The following BTN1A1 variants were observed in gnomAD, a reference collection of about 807,000 sequenced individuals.
The protein encoded by BTN1A1 is butyrophilin subfamily 1 member A1, also known as bK14H9.2 (butyrophilin, subfamily 1, member A1).
Under a neutral mutation model 33.1 loss-of-function variants are expected in BTN1A1, and 26 were observed. The ratio of observed to expected loss-of-function variants is 0.79; its 90% confidence interval spans 0.58 to 1.09. The LOEUF is 1.09. BTN1A1 is among the 50% of genes least tolerant of loss of function. BTN1A1 has a pLI of 0.00. For missense variants in BTN1A1, 558 were observed against 655.7 expected, an observed-to-expected ratio of 0.85 and a Z score of 1.63; for synonymous variants, 235 against 256.2, an observed-to-expected ratio of 0.92 and a Z score of 0.79.
chr6:26,500,882 T>C (rs1040446035), intron 1 of BTN1A1, among the ~76,000 whole-genome samples: 15 of 152,156 alleles, frequency 9.9e-5, no homozygotes, highest in Non-Finnish European at 1.8e-4. Context: ...GCCACTGCAC[T>C]CCAAGCTGGG....
chr6:26,501,790 C>T lies in BTN1A1; in HGVS notation c.280C>T (p.Arg94Trp). The change falls in exon 3 of 8, where the codon CGG (arginine) becomes TGG (tryptophan). Residue 94 changes from arginine (R) to tryptophan (W), a missense_variant. By Grantham distance (101) the Arg-to-Trp change is moderately radical. Transcript: ENST00000684113. The surrounding 1 kb of genome is among the most constrained non-coding windows in gnomAD (Gnocchi z 5.2). ...CGAGCAGATGCCCGAGTACCGCGGG[C>T]GGGCGACGCTGGTCCAGGACGGCAT... ...EAEQMPEYRG[R>W]ATLVQDGIAK... 1 of 1,613,578 alleles carries T rather than the reference C, an allele frequency of 6.2e-7. No individual in the cohort carries two copies. The highest frequency in any genetic ancestry group is 8.5e-7 in the Non-Finnish European group (1 of 1,179,908).
intron 5 of BTN1A1, among the ~76,000 whole-genome samples, chr6:26,507,609 C>A (rs1763887357): frequency 6.6e-6 from 1 of 151,906 alleles, no homozygotes; most frequent in South Asian, 2.1e-4. Context: ...CCTGTAGTCC[C>A]ATCTACTCGG....
chr6:26,505,251 C>T (rs756816985), intron 4 of BTN1A1, 45 bp downstream of exon 4: 1 of 1,567,340 alleles, frequency 6.4e-7, no homozygotes, highest in Non-Finnish European at 8.7e-7. Flanking sequence ...GACACAGCTT[C>T]AGAGCCACAC....
Position 26,510,015 on chromosome 6 carries a change from A to G in BTN1A1, c.*841A>G, listed in dbSNP as rs1354149910. 1 of 152,298 alleles carries G rather than the reference A, an allele frequency of 6.6e-6. No individual in the cohort carries two copies. Among genetic ancestry groups the G allele is most frequent in the Non-Finnish European group, 1.5e-5 (1 of 68,054 alleles). 9.4% of individuals were successfully genotyped at this position (152,298 alleles called of 1,614,324 possible). A position where few individuals can be genotyped will look rare whatever the true frequency, so the allele number is the denominator to read the frequency against. On this transcript the variant is annotated 3_prime_UTR_variant, in exon 8 of 8. Coordinates refer to ENST00000684113, the MANE Select transcript of BTN1A1 (RefSeq NM_001732.3). ...CTTCTTTTTGTTATAGCATCTCTCTATTTCAAAGACATTCCTAGAAGTCAT... is the reference window on the plus strand; with the variant it reads ...CTTCTTTTTGTTATAGCATCTCTCTGTTTCAAAGACATTCCTAGAAGTCAT...
In BTN1A1 at chr6:26,501,365, G is replaced by C; in HGVS notation, c.79G>C (p.Ala27Pro). ...CCTCCAGCTGCCCAAACTGGATTCA[G>C]GTAAGTCTCTCTCTCTCTCTGGGCT... Reference protein sequence around the residue: ...ILLQLPKLDSAPFDVIGPPEP... With the variant: ...ILLQLPKLDSPPFDVIGPPEP... Residue 27 changes from alanine (A) to proline (P), a missense_variant and splice_region_variant, in exon 2 of 8, where the codon GCT becomes CCT. Transcript: ENST00000684113. This position sits in a 1 kb window ranked among gnomAD's most constrained non-coding sequence, Gnocchi z 5.2. The C allele has an allele frequency of 6.2e-7, 1 of 1,612,204 alleles. No homozygotes were observed. Among genetic ancestry groups the C allele is most frequent in the Non-Finnish European group, 8.5e-7 (1 of 1,178,410 alleles).
intron 7 of BTN1A1, among the ~76,000 whole-genome samples, chr6:26,508,295 GCA>G (rs1016849073): frequency 6.6e-6 from 1 of 152,198 alleles, no homozygotes; most frequent in Non-Finnish European, 1.5e-5. Flanking sequence ...TAGGCCCTAG[GCA>G]CAGTTAGCTC....
Position 26,501,491 on chromosome 6 carries a change from AAG to A in BTN1A1, c.80-94_80-93del, listed in dbSNP as rs754510877. The A allele has an allele frequency of 6.3e-7, 1 of 1,582,972 alleles. No homozygotes were observed. The highest frequency in any genetic ancestry group is 8.7e-7 in the Non-Finnish European group (1 of 1,155,794). ...AGACAAACTCAGCTGTCAAAGGAGT[AAG>A]AGAGCGCGGGGCACTGCGCTTTGGC... is the stretch of plus-strand genomic sequence containing the variant. On this transcript the variant is annotated intron_variant, in intron 2 of 7. Coordinates refer to ENST00000684113, the MANE Select transcript of BTN1A1 (RefSeq NM_001732.3). The surrounding 1 kb of genome is among the most constrained non-coding windows in gnomAD (Gnocchi z 5.2).
rs1402913017 is a variant in BTN1A1 at position 26,508,072 on chromosome 6, G to A, written c.892G>A (p.Ala298Thr). 1 of 1,612,596 alleles carries A rather than the reference G, an allele frequency of 6.2e-7. No individual in the cohort carries two copies. Among genetic ancestry groups the A allele is most frequent in the Admixed American group, 1.7e-5 (1 of 59,604 alleles). The change falls in exon 7 of 8, where the codon GCT becomes ACT. Residue 298 changes from alanine (A) to threonine (T), a missense_variant. Physicochemically the swap from Ala to Thr is moderately conservative, Grantham distance 58. Coordinates refer to ENST00000684113, the MANE Select transcript of BTN1A1 (RefSeq NM_001732.3). ...RLLEELKWKKATLHAVDVTLD... is the reference protein window; with the variant it reads ...RLLEELKWKKTTLHAVDVTLD... ...CTCTTTTGTTGCAGAATGGAAAAAG[G>A]CTACCTTGCATGCAGGTCAGTGGCT...
At chr6:26,506,311 G>A (rs1020543007) in intron 4 of BTN1A1, among the ~76,000 whole-genome samples, 1 of 151,930 alleles carries the variant, frequency 6.6e-6, no homozygotes, top group Non-Finnish European at 1.5e-5. Context: ...TTTGGTCAAT[G>A]AGTCCCATTC....
rs755991962 is a variant in BTN1A1, at chr6:26,509,186, G to C, written c.*12G>C. On this transcript the variant is annotated 3_prime_UTR_variant, in exon 8 of 8. Coordinates refer to ENST00000684113, the MANE Select transcript of BTN1A1 (RefSeq NM_001732.3). ...AAGGGGCACCTTAAGGAATATCTCA[G>C]CTCATCTGTTTTCCTTTCCTCTAAC... 1.3e-6 allele frequency: 2 copies of C among 1,593,286 alleles called. No individual in the cohort carries two copies. The highest frequency in any genetic ancestry group is 1.3e-5 in the African/African-American group (1 of 74,422).
intron 3 of BTN1A1, 95 bp downstream of exon 3, chr6:26,502,032 A>C: frequency 5.6e-6 from 8 of 1,427,710 alleles, no homozygotes; most frequent in Non-Finnish European, 7.3e-6. Flanking sequence ...ATTCATTCTC[A>C]AAATCTCTTT....
chr6:26,510,155 T>C lies in BTN1A1; in HGVS notation c.*981T>C, dbSNP rs925455752. ...CTTCAGTTAGCTTCAACTGCCTCCG[T>C]TTCCACACTGTGCACCTTTCACTTT... On this transcript the variant is annotated 3_prime_UTR_variant, in exon 8 of 8. Transcript: ENST00000684113. 6.5e-6 allele frequency: 1 copy of C among 152,946 alleles called. No homozygotes were observed. The highest frequency in any genetic ancestry group is 1.5e-5 in the Non-Finnish European group (1 of 68,304). The allele number at this position is 152,946 out of a possible 1,614,324, so 9.5% of individuals were successfully genotyped here.
Position 26,501,927 on chromosome 6 carries a change from G to A in BTN1A1, c.417G>A (p.Leu139=). 11 of 1,568,670 alleles carry A rather than the reference G, an allele frequency of 7.0e-6. No homozygotes were observed. The highest frequency in any genetic ancestry group is 1.2e-5 in the South Asian group (1 of 83,758). The stretch of plus-strand genomic sequence containing the variant: ...GCTACGAAGAAGCCCTGGTGCATCT[G>A]AAGGTGGCTGGTGAGTAGACGGGTT... ...DGSYEEALVH[L]KVAALGSDPH... The change falls in exon 3 of 8, where the codon CTG becomes CTA. Residue 139 remains leucine, a synonymous_variant. Coordinates refer to ENST00000684113, the MANE Select transcript of BTN1A1 (RefSeq NM_001732.3). The surrounding 1 kb of genome is among the most constrained non-coding windows in gnomAD (Gnocchi z 5.2).
rs1236220546 is a variant in BTN1A1, at chr6:26,502,054, C to T, written c.427+117C>T. 4.5e-6 allele frequency: 6 copies of T among 1,340,392 alleles called. No individual in the cohort carries two copies. The African/African-American group carries it at 7.3e-5, about 16-fold the overall frequency. 83.0% of individuals were successfully genotyped at this position (1,340,392 alleles called of 1,614,324 possible). On this transcript the variant is annotated intron_variant, in intron 3 of 7. Transcript: ENST00000684113. Reference sequence around the variant, plus strand: ...CTCAAAATCTCTTTTAGGTTGATGTCGCCGGGGAGGGACGACTATCTGGGC... The same window carrying T: ...CTCAAAATCTCTTTTAGGTTGATGTTGCCGGGGAGGGACGACTATCTGGGC...
At chr6:26,502,689 A>C (rs1439781833) in intron 3 of BTN1A1, among the ~76,000 whole-genome samples, 1 of 152,216 alleles carries the variant, frequency 6.6e-6, no homozygotes, top group African/African-American at 2.4e-5. Flanking sequence ...TGAATTGTAC[A>C]TTTAAATTGT....
Position 26,501,023 on chromosome 6 carries a change from C to T in BTN1A1, c.-57-207C>T, listed in dbSNP as rs78619382. Among the ~76,000 whole-genome samples, 1,930 of 152,224 alleles carry T rather than the reference C, an allele frequency of 0.013. 33 individuals are homozygous for T. Among genetic ancestry groups the T allele is most frequent in the East Asian group, 0.041 (212 of 5,184 alleles). ...AATGAGTGTTATGCCTCACAGTTCC[C>T]TTCTCCTAAGTTTTAGAGTTAGAGT... On this transcript the variant is annotated intron_variant, in intron 1 of 7. Coordinates refer to ENST00000684113, the MANE Select transcript of BTN1A1 (RefSeq NM_001732.3). This position sits in a 1 kb window ranked among gnomAD's most constrained non-coding sequence, Gnocchi z 5.2.
In BTN1A1 at chr6:26,509,291, A is replaced by C; in HGVS notation, c.*117A>C. ...TCTTCCTGTTGGGTGGCAATTAATTAATCCTGTGAAGGTTACATTGCTGCT... is the reference window on the plus strand; with the variant it reads ...TCTTCCTGTTGGGTGGCAATTAATTCATCCTGTGAAGGTTACATTGCTGCT... On this transcript the variant is annotated 3_prime_UTR_variant, in exon 8 of 8. Coordinates refer to ENST00000684113, the MANE Select transcript of BTN1A1 (RefSeq NM_001732.3). The C allele has an allele frequency of 2.0e-6, 2 of 978,834 alleles. No individual in the cohort carries two copies. Among genetic ancestry groups the C allele is most frequent in the Non-Finnish European group, 3.0e-6 (2 of 664,026 alleles). 60.6% of individuals were successfully genotyped at this position (978,834 alleles called of 1,614,324 possible).
intron 1 of BTN1A1, among the ~76,000 whole-genome samples, chr6:26,500,914 AAAATAAAT>A (rs550589812): frequency 3.9e-5 from 6 of 152,152 alleles, no homozygotes; most frequent in African/African-American, 9.7e-5. Context: ...GACTGTCTCA[AAAATAAAT>A]AAATAAATAA....
rs2113896020 is a variant in BTN1A1 at position 26,509,085 on chromosome 6, T to C, written c.1492T>C (p.Ser498Pro). The C allele has an allele frequency of 6.2e-7, 1 of 1,614,060 alleles. No homozygotes were observed. Among genetic ancestry groups the C allele is most frequent in the Non-Finnish European group, 8.5e-7 (1 of 1,179,950 alleles). ...GGACCTTTCTAAGGAGATCCCATTG[T>C]CCCCCATGGGGGAGGACTCTGCCCC... ...AQDLSKEIPLSPMGEDSAPRD... is the reference protein window; with the variant it reads ...AQDLSKEIPLPPMGEDSAPRD... Residue 498 changes from serine to proline, a missense_variant, in exon 8 of 8, where the codon TCC becomes CCC. Coordinates refer to ENST00000684113, the MANE Select transcript of BTN1A1 (RefSeq NM_001732.3).
Sources: allele counts gnomAD v4.1 joint callset (sites outside exome capture counted in the v4.1 genomes callset), GRCh38; gene constraint gnomAD v4.1.1; non-coding constraint Gnocchi (gnomAD v3.1); transcripts MANE v1.5; gene names NCBI Gene and HGNC (gene_info 2026-07-23, HGNC 2026-07-21).